The following FSHR variants were observed in gnomAD, a reference collection of about 807,000 sequenced individuals.
FSHR encodes follicle-stimulating hormone receptor.
A neutral mutation model predicts 52.1 loss-of-function variants in FSHR; 46 were observed. The observed-to-expected ratio is 0.88, with a 90% CI of 0.70 to 1.13. FSHR has a LOEUF of 1.13. Among genes scored for constraint, FSHR ranks in the 50% most tolerant of loss-of-function variants. FSHR has a pLI of 0.00. For missense variants in FSHR, 964 were observed against 834.6 expected, an observed-to-expected ratio of 1.16 and a Z score of -1.91; for synonymous variants, 399 against 309.6, an observed-to-expected ratio of 1.29 and a Z score of -3.03.
chr2:49,149,118 A>G, intron 1 of FSHR, among the ~76,000 whole-genome samples: 1 of 152,030 alleles, frequency 6.6e-6, no homozygotes, highest in Non-Finnish European at 1.5e-5. Flanking sequence ...TTGTAAACTG[A>G]TTAGATGGGT....
intron 2 of FSHR, among the ~76,000 whole-genome samples, chr2:49,065,156 C>T (rs1398264940): frequency 6.6e-6 from 1 of 152,064 alleles, no homozygotes; most frequent in Admixed American, 6.6e-5. Context: ...GTAAGGTACA[C>T]AGTGCATATG....
chr2:49,127,796 C>G (rs965085873), intron 1 of FSHR, among the ~76,000 whole-genome samples: 6 of 56,502 alleles, frequency 1.1e-4, no homozygotes, highest in African/African-American at 7.5e-5. Context: ...TCTTCTTCTT[C>G]TTCTTCTTCT....
In FSHR at chr2:49,069,218, A is replaced by G. The variant is rs552431017; in HGVS notation, c.153-928T>C. Among the ~76,000 whole-genome samples the G allele has an allele frequency of 1.3e-3, 198 of 152,158 alleles. 5 individuals are homozygous for G. The South Asian group carries it at 0.034, about 26-fold the overall frequency. Reference sequence around the variant, plus strand: ...TCTCAGTTTTGACAACTACCCTTTGATCATCCTGGTCTTGCCGTGGTATCC... The same window carrying G: ...TCTCAGTTTTGACAACTACCCTTTGGTCATCCTGGTCTTGCCGTGGTATCC... On this transcript the variant is annotated intron_variant, in intron 1 of 9. Coordinates refer to ENST00000406846, the MANE Select transcript of FSHR (RefSeq NM_000145.4).
chr2:49,121,896 C>A (rs115639420), intron 1 of FSHR, among the ~76,000 whole-genome samples: 2,577 of 152,162 alleles, frequency 0.017, 24 homozygotes, highest in Middle Eastern at 0.051. Context: ...AACAAACACC[C>A]TTTCTTTTGA....
intron 1 of FSHR, among the ~76,000 whole-genome samples, chr2:49,108,358 TATGTA>T (rs1464155190): frequency 2.0e-5 from 3 of 152,172 alleles, no homozygotes; most frequent in African/African-American, 7.2e-5. Flanking sequence ...TCTCTTCCTA[TATGTA>T]TATTCTATTG....
Position 48,963,476 on chromosome 2 carries a change from T to G in FSHR, c.1345A>C (p.Thr449Pro). 6.2e-7 allele frequency: 1 copy of G among 1,613,952 alleles called. No individual in the cohort carries two copies. The highest frequency in any genetic ancestry group is 8.5e-7 in the Non-Finnish European group (1 of 1,179,932). The change falls in exon 10 of 10, where the codon ACT becomes CCT. Residue 449 changes from threonine to proline, a missense_variant. Transcript: ENST00000406846. Reference sequence around the variant, plus strand: ...ACTGACAGCTCACTGGCAAAGACAGTGAAAAAGCCAGCAGCATCACAGCCT... The same window carrying G: ...ACTGACAGCTCACTGGCAAAGACAGGGAAAAAGCCAGCAGCATCACAGCCT... ...GAGCDAAGFF[T>P]VFASELSVYT...
chr2:48,986,451 C>T (rs1207506858), intron 6 of FSHR, among the ~76,000 whole-genome samples: 1 of 150,764 alleles, frequency 6.6e-6, no homozygotes, highest in Admixed American at 6.6e-5. Flanking sequence ...GAAAACACCC[C>T]TGCATCGAAG....
chr2:49,013,232 C>G (rs546348769), intron 4 of FSHR, among the ~76,000 whole-genome samples: 4 of 151,504 alleles, frequency 2.6e-5, no homozygotes, highest in African/African-American at 9.7e-5. Context: ...TCTTGGACTT[C>G]CCAGCCTCTA....
chr2:49,143,678 G>T (rs969658770), intron 1 of FSHR, among the ~76,000 whole-genome samples: 2 of 152,138 alleles, frequency 1.3e-5, no homozygotes, highest in African/African-American at 2.4e-5. Flanking sequence ...TTTTAGGATT[G>T]CAAAGATGGA....
chr2:49,064,661 G>T (rs1345044269), intron 2 of FSHR, among the ~76,000 whole-genome samples: 3 of 152,052 alleles, frequency 2.0e-5, no homozygotes, highest in Non-Finnish European at 4.4e-5. Flanking sequence ...AGAAAGAGAT[G>T]GGTGGATAGG....
intron 1 of FSHR, among the ~76,000 whole-genome samples, chr2:49,093,939 A>G (rs1317498012): frequency 6.6e-6 from 1 of 152,156 alleles, no homozygotes; most frequent in South Asian, 2.1e-4. Context: ...TTTATTTTAC[A>G]TAGCACATAG....
intron 4 of FSHR, among the ~76,000 whole-genome samples, chr2:49,006,180 CT>C (rs1217607726): frequency 3.9e-5 from 6 of 152,168 alleles, no homozygotes; most frequent in African/African-American, 1.4e-4. Flanking sequence ...ATAAACTCCC[CT>C]TTATGTATAC....
At chr2:49,080,809 A>G (rs61127120) in intron 1 of FSHR, among the ~76,000 whole-genome samples, 35,952 of 151,948 alleles carry the variant, frequency 0.24, 4,395 homozygotes, top group East Asian at 0.29. Context: ...CACCTTTCAT[A>G]TGCAAACCAA....
chr2:49,013,182 G>A (rs1667339680), intron 4 of FSHR, among the ~76,000 whole-genome samples: 1 of 150,558 alleles, frequency 6.6e-6, no homozygotes, highest in Middle Eastern at 3.4e-3. Flanking sequence ...ACAGGGAGAA[G>A]GCAGCTGTCT....
chr2:49,008,980 C>T (rs1432822637), intron 4 of FSHR, among the ~76,000 whole-genome samples: 5 of 151,906 alleles, frequency 3.3e-5, no homozygotes, highest in Non-Finnish European at 7.4e-5. Flanking sequence ...TGTAGGTTGC[C>T]TGTTCCCTCT....
intron 2 of FSHR, among the ~76,000 whole-genome samples, chr2:49,041,627 G>A (rs979425069): frequency 2.6e-5 from 4 of 152,036 alleles, no homozygotes; most frequent in Non-Finnish European, 5.9e-5. Flanking sequence ...CCCAAGATAG[G>A]TCTTGGGTCT....
At chr2:49,098,334 G>A (rs1205687218) in intron 1 of FSHR, among the ~76,000 whole-genome samples, 1 of 152,060 alleles carries the variant, frequency 6.6e-6, no homozygotes, top group Non-Finnish European at 1.5e-5. Context: ...TAGTGATAGA[G>A]ATAAGTAAAG....
At chr2:48,966,399 C>G (rs1674478973) in intron 9 of FSHR, among the ~76,000 whole-genome samples, 1 of 151,962 alleles carries the variant, frequency 6.6e-6, no homozygotes, top group Non-Finnish European at 1.5e-5. Context: ...AAAATGAGAG[C>G]AAAGTAATGC....
At chr2:48,974,493 C>A (rs1472586739) in intron 8 of FSHR, among the ~76,000 whole-genome samples, 8 of 152,212 alleles carry the variant, frequency 5.3e-5, no homozygotes, top group Admixed American at 4.6e-4. Flanking sequence ...GGATTGAGAT[C>A]TTTCATTGGT....
Sources: gnomAD v4.1 joint callset for allele counts (sites outside exome capture counted in the v4.1 genomes callset) on GRCh38, gnomAD v4.1.1 for gene constraint, MANE v1.5 for transcripts, NCBI Gene and HGNC (gene_info 2026-07-23, HGNC 2026-07-21) for gene names.